Variants in MSRA observed in about 807,000 individuals in gnomAD.
The protein encoded by MSRA is methionine sulfoxide reductase A.
MSRA carries 54 observed loss-of-function variants against 31.3 expected under a neutral mutation model. The ratio of observed to expected loss-of-function variants is 1.73; its 90% CI spans 1.39 to 2.17. The LOEUF (loss-of-function observed/expected upper bound fraction) is 2.17. Among genes scored for constraint, MSRA ranks in the 30% most tolerant of loss-of-function variants. The probability of loss-of-function intolerance (pLI) is 0.00; values close to 1 mark genes in which losing one functional copy is unlikely to be tolerated. For missense variants in MSRA, 507 were observed against 300.9 expected (o/e 1.69, Z -5.07); for synonymous variants, 169 against 116.5 (o/e 1.45, Z -2.90).
intron 4 of MSRA, among the ~76,000 whole-genome samples, chr8:10,310,732 A>C (rs1801389334): frequency 6.6e-6 from 1 of 152,216 alleles, no homozygotes; most frequent in African/African-American, 2.4e-5. Context: ...ACGGAGGTGG[A>C]ATTCGGACTT....
intron 1 of MSRA, among the ~76,000 whole-genome samples, chr8:10,070,889 C>CTGTGGTA (rs1254084330): frequency 1.3e-4 from 20 of 152,168 alleles, no homozygotes; most frequent in Non-Finnish European, 4.4e-5. Context: ...CACAGTTTAA[C>CTGTGGTA]CATTCACACA....
chr8:10,324,875 A>T (rs1802271966), intron 5 of MSRA, among the ~76,000 whole-genome samples: 1 of 152,246 alleles, frequency 6.6e-6, no homozygotes, highest in African/African-American at 2.4e-5. Flanking sequence ...ATTGAATGCC[A>T]TCAGTCATAG....
Position 10,301,603 on chromosome 8 carries a change from T to G in MSRA, c.401T>G (p.Leu134Arg), listed in dbSNP as rs750187046. The change falls in exon 4 of 6, where the codon CTC (leucine) becomes CGC (arginine). Residue 134 changes from leucine (L) to arginine (R), a missense_variant. Physicochemically the swap from Leu to Arg is moderately radical, Grantham distance 102. Transcript: ENST00000317173. ...QPEHMSFEELLKVFWENHDPT... is the reference protein window; with the variant it reads ...QPEHMSFEELRKVFWENHDPT... ...GAACACATGAGTTTTGAGGAACTGC[T>G]CAAGGTCTTCTGGGAGAATCACGAC... The G allele has an allele frequency of 1.2e-6, 2 of 1,614,140 alleles. No homozygotes were observed. The highest frequency in any genetic ancestry group is 1.7e-6 in the Non-Finnish European group (2 of 1,180,018).
chr8:10,112,664 A>G (rs1002468956), intron 1 of MSRA, among the ~76,000 whole-genome samples: 1 of 152,242 alleles, frequency 6.6e-6, no homozygotes, highest in Non-Finnish European at 1.5e-5. Context: ...TAGGGAAGAC[A>G]TTCAATTAAA....
chr8:10,092,406 C>A (rs889005876), intron 1 of MSRA, among the ~76,000 whole-genome samples: 2 of 152,114 alleles, frequency 1.3e-5, no homozygotes, highest in African/African-American at 2.4e-5. Context: ...CGCCTGTAAT[C>A]CCAGCAGTTT....
Position 10,272,437 on chromosome 8 carries a change from C to A in MSRA, c.331+27214C>A, listed in dbSNP as rs544860816. On this transcript the variant is annotated intron_variant, in intron 3 of 5. Coordinates refer to ENST00000317173, the MANE Select transcript of MSRA (RefSeq NM_012331.5). ...CAGGAAAAAAATCAGTGTCTCAGCT[C>A]AATCCTTCAAGCCGGAGGAGTCCTT... 4.6e-5 allele frequency among the ~76,000 whole-genome samples: 7 copies of A among 152,280 alleles called. No homozygotes were observed. The East Asian group carries it at 1.2e-3, about 25-fold the overall frequency.
chr8:10,419,629 C>T (rs992831099), intron 5 of MSRA, among the ~76,000 whole-genome samples: 1 of 152,172 alleles, frequency 6.6e-6, no homozygotes, highest in Non-Finnish European at 1.5e-5. Context: ...GTACCTGGTG[C>T]TTAAAACGCA....
intron 1 of MSRA, among the ~76,000 whole-genome samples, chr8:10,170,365 C>T (rs972955419): frequency 8.5e-5 from 13 of 152,164 alleles, no homozygotes; most frequent in Non-Finnish European, 1.3e-4. Context: ...AGCTGCCTTG[C>T]GCCTTCTGTG....
At chr8:10,084,902 A>G (rs1028482512) in intron 1 of MSRA, among the ~76,000 whole-genome samples, 24 of 119,276 alleles carry the variant, frequency 2.0e-4, no homozygotes, top group Non-Finnish European at 3.8e-4. Context: ...GCGAATTAAC[A>G]TTCTTTTATT....
At position 10,428,209 on chromosome 8, in the gene MSRA, A is replaced by G; in HGVS notation, c.605A>G (p.Tyr202Cys). The G allele has an allele frequency of 1.2e-6, 2 of 1,614,164 alleles. No homozygotes were observed. The highest frequency in any genetic ancestry group is 1.1e-5 in the South Asian group (1 of 91,080). The change falls in exon 6 of 6, where the codon TAC becomes TGC. Residue 202 changes from tyrosine (Y) to cysteine (C), a missense_variant. Physicochemically the swap from Tyr to Cys is radical, Grantham distance 194. Transcript: ENST00000317173. ...GACATCCGGGAGGGACAGACTTTCT[A>G]CTATGCGGAAGACTACCACCAGCAG... ...TTDIREGQTF[Y>C]YAEDYHQQYL...
intron 3 of MSRA, among the ~76,000 whole-genome samples, chr8:10,274,266 G>C (rs901834274): frequency 6.6e-6 from 1 of 152,192 alleles, no homozygotes; most frequent in Admixed American, 6.5e-5. Flanking sequence ...CGGTGGGCCA[G>C]GGGAGCAGGT....
intron 1 of MSRA, among the ~76,000 whole-genome samples, chr8:10,084,631 T>A (rs1724537931): frequency 6.6e-6 from 1 of 152,200 alleles, no homozygotes; most frequent in Non-Finnish European, 1.5e-5. Context: ...GTGCCTTAGT[T>A]TCCTAGGGTG....
chr8:10,173,849 A>G (rs1805809818), intron 1 of MSRA, among the ~76,000 whole-genome samples: 1 of 152,184 alleles, frequency 6.6e-6, no homozygotes, highest in African/African-American at 2.4e-5. Context: ...AATTCACACC[A>G]GGCAGCATTT....
chr8:10,172,278 G>A (rs1805659440), intron 1 of MSRA, among the ~76,000 whole-genome samples: 1 of 152,196 alleles, frequency 6.6e-6, no homozygotes, highest in Non-Finnish European at 1.5e-5. Flanking sequence ...TTCCAGATCA[G>A]CAAAGGAATG....
intron 1 of MSRA, among the ~76,000 whole-genome samples, chr8:10,151,243 C>T (rs532213937): frequency 7.9e-6 from 1 of 127,062 alleles, no homozygotes; most frequent in Non-Finnish European, 1.6e-5. Context: ...GCCTGGGTGA[C>T]AGAGCGAGAG....
chr8:10,286,015 T>G (rs1799915538), intron 3 of MSRA, among the ~76,000 whole-genome samples: 1 of 152,042 alleles, frequency 6.6e-6, no homozygotes, highest in Admixed American at 6.6e-5. Context: ...GGAGGGAGCT[T>G]CTTGGTGCAG....
Position 10,149,163 on chromosome 8 carries a change from C to G in MSRA, c.143-58670C>G, listed in dbSNP as rs945754082. On this transcript the variant is annotated intron_variant, in intron 1 of 5. Transcript: ENST00000317173. The stretch of plus-strand genomic sequence containing the variant: ...TTATTCGTAGTTTTGCTCTCGTCGC[C>G]TGGGCTGGAGTGCAATGGCACAGTC... Among the ~76,000 whole-genome samples the G allele has an allele frequency of 2.7e-5, 4 of 150,796 alleles. No individual in the cohort carries two copies. The East Asian group carries it at 7.8e-4, about 29-fold the overall frequency.
At chr8:10,240,622 C>T (rs916329841) in intron 2 of MSRA, among the ~76,000 whole-genome samples, 3 of 152,186 alleles carry the variant, frequency 2.0e-5, no homozygotes, top group Non-Finnish European at 4.4e-5. Flanking sequence ...GTGTTTCTGG[C>T]CTCTGACTAG....
At chr8:10,331,264 C>T (rs750985259) in intron 5 of MSRA, among the ~76,000 whole-genome samples, 3 of 152,198 alleles carry the variant, frequency 2.0e-5, no homozygotes, top group Non-Finnish European at 2.9e-5. Context: ...TGCTGCACTC[C>T]ATGGAGCGGG....
Sources: gnomAD v4.1 joint callset for allele counts (sites outside exome capture counted in the v4.1 genomes callset) on GRCh38, gnomAD v4.1.1 for gene constraint, MANE v1.5 for transcripts, NCBI Gene and HGNC (gene_info 2026-07-23, HGNC 2026-07-21) for gene names.